The following EPB41L4B variants were observed in gnomAD, a reference collection of about 807,000 sequenced individuals.
The protein encoded by EPB41L4B is band 4.1-like protein 4B.
EPB41L4B carries 30 observed loss-of-function variants against 112.5 expected under a neutral mutation model. The ratio of observed to expected loss-of-function variants is 0.27; its 90% CI spans 0.20 to 0.36. EPB41L4B has a LOEUF of 0.36. Among genes scored for constraint, EPB41L4B ranks in the 10% least tolerant of loss-of-function variants. The pLI, the probability that EPB41L4B is intolerant of heterozygous loss-of-function variation, is 1.00. For missense variants in EPB41L4B, 1,024 were observed against 1,133.3 expected, an observed-to-expected ratio of 0.90 and a Z score of 1.38; for synonymous variants, 408 against 439.7, an observed-to-expected ratio of 0.93 and a Z score of 0.90.
intron 1 of EPB41L4B, among the ~76,000 whole-genome samples, chr9:109,285,545 T>C (rs1304713130): frequency 2.0e-5 from 3 of 152,122 alleles, no homozygotes; most frequent in African/African-American, 7.2e-5. Context: ...GAAGAGAGAA[T>C]TCCCAACAGC....
chr9:109,269,151 T>C (rs1835518902), intron 2 of EPB41L4B, among the ~76,000 whole-genome samples: 1 of 152,214 alleles, frequency 6.6e-6, no homozygotes, highest in South Asian at 2.1e-4. Flanking sequence ...TCTCTCATTA[T>C]GCACTGGTCT....
intron 15 of EPB41L4B, among the ~76,000 whole-genome samples, chr9:109,227,616 T>C (rs1833826100): frequency 6.6e-6 from 1 of 151,944 alleles, no homozygotes; most frequent in African/African-American, 2.4e-5. Flanking sequence ...GGAGTCTTGC[T>C]CTGTCATCAG....
rs182731850 is a variant in EPB41L4B, at chr9:109,286,026, G to A, written c.307-6105C>T. Among the ~76,000 whole-genome samples, 466 of 152,210 alleles carry A rather than the reference G, an allele frequency of 3.1e-3. 10 individuals are homozygous for A. The highest frequency in any genetic ancestry group is 0.028 in the Admixed American group (425 of 15,284). On this transcript the variant is annotated intron_variant, in intron 1 of 25. Coordinates refer to ENST00000374566, the MANE Select transcript of EPB41L4B (RefSeq NM_019114.5). ...CTGACTGAGAGCACTCCCTCCCTGA[G>A]GACAGGGACCAGCTGTGTTCATCTG...
Position 109,174,486 on chromosome 9 carries a change from C to G in EPB41L4B, c.*68G>C. 6.8e-7 allele frequency: 1 copy of G among 1,460,056 alleles called. No homozygotes were observed. Among genetic ancestry groups the G allele is most frequent in the Non-Finnish European group, 9.6e-7 (1 of 1,040,002 alleles). 90.4% of individuals were successfully genotyped at this position (1,460,056 alleles called of 1,614,324 possible). On this transcript the variant is annotated 3_prime_UTR_variant, in exon 26 of 26. Transcript: ENST00000374566. ...CTTGTATGCTGTGCTAGAGTGAGCA[C>G]ACAAAGCCCGAAGAAAGAAGACGGA...
At chr9:109,234,195 G>T (rs1427492415) in intron 15 of EPB41L4B, among the ~76,000 whole-genome samples, 2 of 152,138 alleles carry the variant, frequency 1.3e-5, no homozygotes, top group South Asian at 2.1e-4. Flanking sequence ...GAGCTGGGGG[G>T]AGTATAAACA....
chr9:109,234,115 G>C (rs1198852220), intron 15 of EPB41L4B, among the ~76,000 whole-genome samples: 2 of 137,750 alleles, frequency 1.5e-5, no homozygotes, highest in Non-Finnish European at 3.2e-5. Context: ...AAAAAAAAAA[G>C]CTAGCAAAGG....
chr9:109,243,979 G>C (rs1228252878), intron 14 of EPB41L4B, among the ~76,000 whole-genome samples: 2 of 152,216 alleles, frequency 1.3e-5, no homozygotes, highest in South Asian at 4.1e-4. Context: ...GTCGTCCGGA[G>C]TACCAGAGAC....
chr9:109,289,837 C>G (rs939073273), intron 1 of EPB41L4B, among the ~76,000 whole-genome samples: 1 of 152,228 alleles, frequency 6.6e-6, no homozygotes, highest in Non-Finnish European at 1.5e-5. Context: ...CAAGTGCAGG[C>G]TTTGCATTTG....
In EPB41L4B at chr9:109,213,787, A is replaced by G; in HGVS notation, c.1665T>C (p.Ser555=). The change falls in exon 17 of 26, where the codon AGT becomes AGC. Residue 555 remains serine, a synonymous_variant. Transcript: ENST00000374566. ...GCTTCTTTAGATGGGCAGCGGCTTC[A>G]CTGAACAAGGCAGGTGTTCCTGGAC... ...KLSPGTPALF[S]EAAAHLKKLE... is the part of the protein sequence containing the mutation. 1.2e-6 allele frequency: 2 copies of G among 1,614,180 alleles called. No individual in the cohort carries two copies. The highest frequency in any genetic ancestry group is 1.7e-6 in the Non-Finnish European group (2 of 1,180,020).
rs41278379 is a variant in EPB41L4B at position 109,194,388 on chromosome 9, G to A, written c.2055C>T (p.Asp685=). 9,088 of 1,613,842 alleles carry A rather than the reference G, an allele frequency of 5.6e-3. 24 individuals carry two copies. Among genetic ancestry groups the A allele is most frequent in the Non-Finnish European group, 6.5e-3 (7,672 of 1,179,846 alleles). ...CCTCGGCCAGGTCTGGAGGGAGGTCGTCTTCATCACTGCGGTTACTAAAAG... is the reference window on the plus strand; with the variant it reads ...CCTCGGCCAGGTCTGGAGGGAGGTCATCTTCATCACTGCGGTTACTAAAAG... The part of the protein sequence containing the change: ...KLTRQYSFDE[D]DLPPDLAEAV... The change falls in exon 21 of 26, where the codon GAC becomes GAT. Residue 685 remains aspartate, a synonymous_variant. Coordinates refer to ENST00000374566, the MANE Select transcript of EPB41L4B (RefSeq NM_019114.5).
intron 22 of EPB41L4B, among the ~76,000 whole-genome samples, chr9:109,186,438 C>T (rs752318508): frequency 4.6e-4 from 70 of 152,002 alleles, no homozygotes; most frequent in Admixed American, 9.2e-4. Flanking sequence ...CCACCCGCCT[C>T]GGCCTCCCAA....
intron 1 of EPB41L4B, among the ~76,000 whole-genome samples, chr9:109,308,843 T>C (rs1173608654): frequency 6.6e-6 from 1 of 152,212 alleles, no homozygotes; most frequent in Non-Finnish European, 1.5e-5. Flanking sequence ...TTTGGGAGGC[T>C]GAGGCAGGCG....
intron 15 of EPB41L4B, among the ~76,000 whole-genome samples, chr9:109,231,706 G>A (rs1833957002): frequency 2.6e-5 from 4 of 152,174 alleles, no homozygotes. Flanking sequence ...ACTATCAAAT[G>A]ATTTCAATAA....
chr9:109,257,810 C>T lies in EPB41L4B; in HGVS notation c.752+367G>A, dbSNP rs565274128. ...AGGAGTTTGAGACCAGCCTAGGCAA[C>T]GTGGTGAAACCTCATCTCTGCAAAA... On this transcript the variant is annotated intron_variant, in intron 7 of 25. Transcript: ENST00000374566. 7.9e-5 allele frequency among the ~76,000 whole-genome samples: 12 copies of T among 152,198 alleles called. No individual in the cohort carries two copies. The South Asian group carries it at 8.3e-4, about 11-fold the overall frequency.
At chr9:109,288,517 A>G (rs1000922076) in intron 1 of EPB41L4B, among the ~76,000 whole-genome samples, 7 of 151,834 alleles carry the variant, frequency 4.6e-5, no homozygotes, top group Non-Finnish European at 7.4e-5. Context: ...TCAGGAGATC[A>G]AGACCATCCT....
intron 5 of EPB41L4B, among the ~76,000 whole-genome samples, chr9:109,263,867 G>A (rs895297534): frequency 6.6e-6 from 1 of 152,238 alleles, no homozygotes; most frequent in African/African-American, 2.4e-5. Context: ...AAGGAGCAAT[G>A]TTGGGACTTG....
chr9:109,284,642 G>A (rs916217626), intron 1 of EPB41L4B, among the ~76,000 whole-genome samples: 3 of 152,164 alleles, frequency 2.0e-5, no homozygotes, highest in Admixed American at 2.0e-4. Flanking sequence ...TAAACTCTGG[G>A]CTCAAGTGAT....
intron 2 of EPB41L4B, among the ~76,000 whole-genome samples, chr9:109,277,934 T>C (rs1199159351): frequency 1.3e-5 from 2 of 152,226 alleles, no homozygotes; most frequent in Non-Finnish European, 2.9e-5. Context: ...CGAGAATCTA[T>C]GTGGGTCTTG....
At chr9:109,253,381 G>A (rs953380522) in intron 12 of EPB41L4B, 60 bp downstream of exon 12, 21 of 1,212,862 alleles carry the variant, frequency 1.7e-5, no homozygotes, top group African/African-American at 1.4e-4. Flanking sequence ...CAAGCTCCTC[G>A]AGGGCTTAAA....
Sources: allele counts gnomAD v4.1 joint callset (sites outside exome capture counted in the v4.1 genomes callset), GRCh38; gene constraint gnomAD v4.1.1; transcripts MANE v1.5; gene names NCBI Gene and HGNC (gene_info 2026-07-23, HGNC 2026-07-21).